PPP1CB: variants seen among roughly 807,000 people sequenced by gnomAD.
The protein encoded by PPP1CB is serine/threonine-protein phosphatase PP1-beta catalytic subunit.
PPP1CB carries 2 observed loss-of-function variants against 43.7 expected under a neutral mutation model. The ratio of observed to expected loss-of-function variants is 0.05; its 90% CI spans 0.02 to 0.14. The LOEUF is 0.14. Among genes scored for constraint, PPP1CB ranks in the 10% least tolerant of loss-of-function variants. The probability of loss-of-function intolerance (pLI) is 1.00; values close to 1 mark genes in which losing one functional copy is unlikely to be tolerated. For missense variants in PPP1CB, 84 were observed against 398.0 expected, an observed-to-expected ratio of 0.21 and a Z score of 6.71; for synonymous variants, 136 against 135.6, an observed-to-expected ratio of 1.00 and a Z score of -0.02.
chr2:28,762,005 C>T (rs1023567525), intron 1 of PPP1CB, among the ~76,000 whole-genome samples: 6 of 152,066 alleles, frequency 3.9e-5, no homozygotes, highest in East Asian at 1.9e-4. Context: ...TGTTCTCGGC[C>T]GGGCATGGTA....
intron 1 of PPP1CB, among the ~76,000 whole-genome samples, chr2:28,752,447 A>G (rs2148450127): frequency 1.3e-5 from 2 of 152,160 alleles, no homozygotes; most frequent in South Asian, 4.1e-4. Flanking sequence ...GGCTGTGCGG[A>G]GCGGGTCTGC....
intron 3 of PPP1CB, among the ~76,000 whole-genome samples, chr2:28,780,084 C>CTTTTTTT (rs10559224): frequency 6.1e-5 from 8 of 131,796 alleles, no homozygotes; most frequent in South Asian, 5.0e-4. Flanking sequence ...TCTTTTCTTT[C>CTTTTTTT]TTTTTTTTTT....
Position 28,752,055 on chromosome 2 carries a change from C to A in PPP1CB, c.-70C>A. The A allele has an allele frequency of 6.9e-7, 1 of 1,448,162 alleles. No homozygotes were observed. The highest frequency in any genetic ancestry group is 9.5e-7 in the Non-Finnish European group (1 of 1,054,058). 89.7% of individuals were successfully genotyped at this position (1,448,162 alleles called of 1,614,324 possible). A position where few individuals can be genotyped will look rare whatever the true frequency, so the allele number is the denominator to read the frequency against. On this transcript the variant is annotated 5_prime_UTR_variant, in exon 1 of 8. Transcript: ENST00000395366. ...ACTTGTAGGTGAGAGAACGCCGAGC[C>A]GTCGCCGCAGCCTCCGCCGCCGAGA...
rs1159776690 is a variant in PPP1CB at position 28,799,463 on chromosome 2, A to G, written c.*160A>G. 1.8e-6 allele frequency: 1 copy of G among 564,192 alleles called. No homozygotes were observed. Among genetic ancestry groups the G allele is most frequent in the Non-Finnish European group, 3.2e-6 (1 of 316,980 alleles). The allele number at this position is 564,192 out of a possible 1,614,324, so 34.9% of individuals were successfully genotyped here. The stretch of plus-strand genomic sequence containing the variant: ...AGGATCTTAAATTTTTTTCTAATAG[A>G]AAGATGTGCTACACTGTATTGTAAT... On this transcript the variant is annotated 3_prime_UTR_variant, in exon 8 of 8. Coordinates refer to ENST00000395366, the MANE Select transcript of PPP1CB (RefSeq NM_002709.3).
At chr2:28,767,116 A>T (rs1337492444) in intron 1 of PPP1CB, among the ~76,000 whole-genome samples, 4 of 152,070 alleles carry the variant, frequency 2.6e-5, no homozygotes, top group African/African-American at 9.7e-5. Context: ...CAAAAAATAC[A>T]TAGTTCTTCA....
intron 1 of PPP1CB, among the ~76,000 whole-genome samples, chr2:28,772,743 T>C (rs1020981040): frequency 1.3e-5 from 2 of 152,314 alleles, no homozygotes; most frequent in Middle Eastern, 3.4e-3. Context: ...AGTATTTGTA[T>C]TATACTTACC....
At chr2:28,758,494 AG>A (rs1036477520) in intron 1 of PPP1CB, among the ~76,000 whole-genome samples, 30 of 152,324 alleles carry the variant, frequency 2.0e-4, no homozygotes, top group African/African-American at 6.5e-4. Flanking sequence ...GGAGTCTTCT[AG>A]GATTTGTGAT....
chr2:28,770,192 G>A (rs1015662899), intron 1 of PPP1CB, among the ~76,000 whole-genome samples: 1 of 152,094 alleles, frequency 6.6e-6, no homozygotes, highest in Non-Finnish European at 1.5e-5. Context: ...GAATCTGGGA[G>A]GCAAAGGTTT....
At chr2:28,780,084 CTTTT>C (rs10559224) in intron 3 of PPP1CB, among the ~76,000 whole-genome samples, 40 of 131,792 alleles carry the variant, frequency 3.0e-4, no homozygotes, top group Non-Finnish European at 1.8e-4. Context: ...TCTTTTCTTT[CTTTT>C]TTTTTTTTTT....
rs530386256 is a variant in PPP1CB, at chr2:28,751,910, A to G, written c.-215A>G. 3.9e-5 allele frequency: 22 copies of G among 571,268 alleles called. No individual in the cohort carries two copies. In the East Asian group the frequency reaches 5.4e-4, roughly 14 times the overall value. The allele number at this position is 571,268 out of a possible 1,614,324, so 35.4% of individuals were successfully genotyped here. On this transcript the variant is annotated 5_prime_UTR_variant, in exon 1 of 8. Transcript: ENST00000395366. ...CTGTTCGAGGGGGCCTCTCTTGTTT[A>G]TTTATTTATTTTCCGTGGGTGCCTC...
chr2:28,755,241 G>A (rs1052921972), intron 1 of PPP1CB, among the ~76,000 whole-genome samples: 8 of 151,972 alleles, frequency 5.3e-5, no homozygotes, highest in Non-Finnish European at 1.2e-4. Context: ...GTTTCACCAT[G>A]TTGGCCTGGC....
At chr2:28,780,075 C>A (rs1243644463) in intron 3 of PPP1CB, among the ~76,000 whole-genome samples, 4 of 140,084 alleles carry the variant, frequency 2.9e-5, no homozygotes, top group Non-Finnish European at 1.5e-5. Flanking sequence ...TTTTTCTTTT[C>A]TTTTCTTTCT....
intron 1 of PPP1CB, among the ~76,000 whole-genome samples, chr2:28,756,113 A>G (rs1349261221): frequency 2.6e-5 from 4 of 152,236 alleles, no homozygotes; most frequent in Non-Finnish European, 4.4e-5. Context: ...GTATTACATC[A>G]TGAACATTTT....
rs536306584 is a variant in PPP1CB, at chr2:28,801,522, A to G, written c.*2219A>G. 2 of 152,024 alleles carry G rather than the reference A, an allele frequency of 1.3e-5. No individual in the cohort carries two copies. The highest frequency in any genetic ancestry group is 4.8e-5 in the African/African-American group (2 of 41,388). The allele number at this position is 152,024 out of a possible 1,614,324, so 9.4% of individuals were successfully genotyped here. A position where few individuals can be genotyped will look rare whatever the true frequency, so the allele number is the denominator to read the frequency against. The stretch of plus-strand genomic sequence containing the variant: ...CATTAAATTTAAAGGATGGAAATTT[A>G]TCATGTTTAAAAATTATTCAAGCAC... On this transcript the variant is annotated 3_prime_UTR_variant, in exon 8 of 8. Coordinates refer to ENST00000395366, the MANE Select transcript of PPP1CB (RefSeq NM_002709.3).
intron 3 of PPP1CB, among the ~76,000 whole-genome samples, chr2:28,780,009 G>A (rs145507902): frequency 6.0e-4 from 91 of 151,234 alleles, no homozygotes; most frequent in African/African-American, 2.2e-3. Flanking sequence ...TCCTTGTAGT[G>A]AAAAAAGGCT....
In PPP1CB at chr2:28,788,760, G is replaced by A. The variant is rs1438779667; in HGVS notation, c.695G>A (p.Ser232Asn). ...TTTACTTTTGGAGCTGATGTAGTCA[G>A]TAAATTTCTGAATCGTCATGATTTA... is the stretch of plus-strand genomic sequence containing the variant. Reference protein sequence around the residue: ...VSFTFGADVVSKFLNRHDLDL... With the variant: ...VSFTFGADVVNKFLNRHDLDL... The change falls in exon 6 of 8, where the codon AGT becomes AAT. Residue 232 changes from serine to asparagine, a missense_variant. Transcript: ENST00000395366. The A allele has an allele frequency of 1.2e-6, 2 of 1,613,244 alleles. No individual in the cohort carries two copies. The highest frequency in any genetic ancestry group is 2.7e-5 in the African/African-American group (2 of 74,860).
At chr2:28,770,944 G>T (rs988413241) in intron 1 of PPP1CB, among the ~76,000 whole-genome samples, 2 of 150,762 alleles carry the variant, frequency 1.3e-5, no homozygotes, top group African/African-American at 2.4e-5. Flanking sequence ...ATTGCTGAGA[G>T]AAATAAATAA....
intron 1 of PPP1CB, 115 bp downstream of exon 1, chr2:28,752,291 C>T (rs1002349013): frequency 3.2e-5 from 33 of 1,027,060 alleles, no homozygotes; most frequent in Middle Eastern, 3.2e-4. Flanking sequence ...AGACGAGTCT[C>T]TGGGAGCGCG....
intron 6 of PPP1CB, among the ~76,000 whole-genome samples, chr2:28,790,890 T>C (rs1047425707): frequency 6.6e-6 from 1 of 152,238 alleles, no homozygotes; most frequent in Non-Finnish European, 1.5e-5. Flanking sequence ...CTTTTGTGTA[T>C]ATTTGAAATT....
Sources: allele counts gnomAD v4.1 joint callset (sites outside exome capture counted in the v4.1 genomes callset), GRCh38; gene constraint gnomAD v4.1.1; transcripts MANE v1.5; gene names NCBI Gene and HGNC (gene_info 2026-07-23, HGNC 2026-07-21).